DMAC2: variants seen among roughly 807,000 people sequenced by gnomAD.
DMAC2 encodes distal membrane arm assembly component 2.
In DMAC2, 32 loss-of-function variants were observed where a neutral mutation model predicts 29.6. That is an observed-to-expected ratio of 1.08 (90% CI 0.81 to 1.45). DMAC2 has a LOEUF of 1.45. DMAC2 is among the 40% of genes most tolerant of loss of function. The pLI is 0.00. For synonymous variants in DMAC2, 133 were observed against 137.4 expected (o/e 0.97, Z 0.23); for missense variants, 319 against 340.0 (o/e 0.94, Z 0.49).
intron 5 of DMAC2, chr19:41,432,873 T>TGTGTGTGTGCGTGCGTGCATGCGTGC (rs2039642381): frequency 1.4e-5 from 7 of 502,716 alleles, no homozygotes; most frequent in African/African-American, 4.1e-5. Flanking sequence ...TGCGTGCGTG[T>TGTGTGTGTGCGTGCGTGCATGCGTGC]GTGTGTGTGC....
chr19:41,433,084 C>G, intron 5 of DMAC2, 188 bp downstream of exon 5: 1 of 653,162 alleles, frequency 1.5e-6, no homozygotes, highest in Non-Finnish European at 2.5e-6. Context: ...AGGAAGAAAA[C>G]CAGGAGTCAT....
chr19:41,433,343 C>G lies in DMAC2; in HGVS notation c.525G>C (p.Ser175=). 1 of 1,612,540 alleles carries G rather than the reference C, an allele frequency of 6.2e-7. No individual in the cohort carries two copies. The highest frequency in any genetic ancestry group is 2.2e-5 in the East Asian group (1 of 44,884). Reference sequence around the variant, plus strand: ...AACCGGCCAGCGAGAGCTCCTGCAACGAGTCGGCCAGTGGGTAGAGGCGGC... The same window carrying G: ...AACCGGCCAGCGAGAGCTCCTGCAAGGAGTCGGCCAGTGGGTAGAGGCGGC... The part of the protein sequence containing the change: ...CLSRLYPLAD[S]LQELSLAGCP... Residue 175 remains serine (S), a synonymous_variant, in exon 5 of 6, where the codon TCG becomes TCC. Transcript: ENST00000221943.
At chr19:41,434,954 C>T (rs2039779575) in intron 3 of DMAC2, among the ~76,000 whole-genome samples, 1 of 150,312 alleles carries the variant, frequency 6.7e-6, no homozygotes, top group East Asian at 2.0e-4. Flanking sequence ...TGCAGTGAGC[C>T]GAGATTGTGC....
At chr19:41,434,437 T>G (rs17318666) in intron 3 of DMAC2, among the ~76,000 whole-genome samples, 49,514 of 147,454 alleles carry the variant, frequency 0.34, 9,464 homozygotes, top group East Asian at 0.56. Flanking sequence ...TTGCCAATTT[T>G]ACATACCTAG....
In DMAC2 at chr19:41,435,491, A is replaced by T. The variant is rs2122238550; in HGVS notation, c.296+901T>A. Among the ~76,000 whole-genome samples the T allele has an allele frequency of 2.6e-5, 4 of 152,206 alleles. No individual in the cohort carries two copies. The East Asian group carries it at 7.7e-4, about 29-fold the overall frequency. On this transcript the variant is annotated intron_variant, in intron 3 of 5. Coordinates refer to ENST00000221943, the MANE Select transcript of DMAC2 (RefSeq NM_018035.3). ...CACCACGTTGGCTAGGCTGGTCTCG[A>T]ACTCCTGACCTCAGATGATCCACCA...
chr19:41,434,405 A>AG (rs1555770600), intron 3 of DMAC2, among the ~76,000 whole-genome samples: 1 of 151,332 alleles, frequency 6.6e-6, no homozygotes, highest in African/African-American at 2.4e-5. Context: ...CTCAAAAAAA[A>AG]AAAAAAAAAA....
intron 2 of DMAC2, among the ~76,000 whole-genome samples, chr19:41,437,957 G>T (rs960384906): frequency 1.3e-5 from 2 of 152,244 alleles, no homozygotes; most frequent in Non-Finnish European, 2.9e-5. Flanking sequence ...GGAGTGAGCA[G>T]ATGTTTTTAG....
intron 3 of DMAC2, among the ~76,000 whole-genome samples, chr19:41,434,543 A>G (rs782657744): frequency 3.9e-5 from 6 of 152,172 alleles, no homozygotes; most frequent in Non-Finnish European, 5.9e-5. Flanking sequence ...ACATTTTCAA[A>G]CATGTATACT....
intron 5 of DMAC2, 84 bp downstream of exon 5, chr19:41,433,188 T>C: frequency 7.0e-7 from 1 of 1,426,850 alleles, no homozygotes; most frequent in Non-Finnish European, 9.3e-7. Context: ...TGCCTAACAT[T>C]GCCCCTCCCC....
At position 41,438,404 on chromosome 19, in the gene DMAC2, A is replaced by C. The variant is rs782027128; in HGVS notation, c.29T>G (p.Leu10Arg). Residue 10 changes from leucine to arginine, a missense_variant, in exon 2 of 6, where the codon CTG becomes CGG. Transcript: ENST00000221943. ...ACGCCCATTCCACATGGGGGCGACCAGGCGCAGGGACTGGGGAGGGGGAGA... is the reference window on the plus strand; with the variant it reads ...ACGCCCATTCCACATGGGGGCGACCCGGCGCAGGGACTGGGGAGGGGGAGA... MAAPWASLRLVAPMWNGRIR... is the reference protein window; with the variant it reads MAAPWASLRRVAPMWNGRIR... 2 of 1,613,370 alleles carry C rather than the reference A, an allele frequency of 1.2e-6. No individual in the cohort carries two copies. Among genetic ancestry groups the C allele is most frequent in the Non-Finnish European group, 8.5e-7 (1 of 1,179,738 alleles).
chr19:41,436,391 C>A lies in DMAC2; in HGVS notation c.296+1G>T. 2 of 1,614,042 alleles carry A rather than the reference C, an allele frequency of 1.2e-6. No individual in the cohort carries two copies. Among genetic ancestry groups the A allele is most frequent in the Non-Finnish European group, 1.7e-6 (2 of 1,179,902 alleles). On this transcript the variant is annotated splice_donor_variant, in intron 3 of 5. Coordinates refer to ENST00000221943, the MANE Select transcript of DMAC2 (RefSeq NM_018035.3). LOFTEE classifies it high-confidence loss of function. The stretch of plus-strand genomic sequence containing the variant: ...CCGTTCTAACACCTTAGCGGTCATA[C>A]TTGACTGCGCCTCCCTGCTTCAGGA...
intron 3 of DMAC2, 101 bp from the exon 4 acceptor site, chr19:41,433,774 C>T: frequency 4.1e-6 from 6 of 1,452,644 alleles, no homozygotes; most frequent in Non-Finnish European, 5.7e-6. Flanking sequence ...GTATAGGTCA[C>T]CCTTGACATA....
chr19:41,432,007 G>C lies in DMAC2; in HGVS notation c.*224C>G. On this transcript the variant is annotated 3_prime_UTR_variant, in exon 6 of 6. Coordinates refer to ENST00000221943, the MANE Select transcript of DMAC2 (RefSeq NM_018035.3). ...GCCTTTACCTCCCCAGGCCTGAACA[G>C]GGGCATGGAAAGGGCTGCCTGACAG... 1 of 593,600 alleles carries C rather than the reference G, an allele frequency of 1.7e-6. No homozygotes were observed. The highest frequency in any genetic ancestry group is 3.0e-6 in the Non-Finnish European group (1 of 334,924). 36.8% of individuals were successfully genotyped at this position (593,600 alleles called of 1,614,324 possible). A position where few individuals can be genotyped will look rare whatever the true frequency, so the allele number is the denominator to read the frequency against.
intron 2 of DMAC2, 146 bp downstream of exon 2, chr19:41,438,072 G>C (rs1472962994): frequency 1.4e-6 from 1 of 734,040 alleles, no homozygotes; most frequent in South Asian, 1.9e-5. Context: ...TGGAGTCCTT[G>C]AGAAGGGTAC....
intron 2 of DMAC2, among the ~76,000 whole-genome samples, chr19:41,437,640 A>C (rs1167379245): frequency 1.3e-5 from 2 of 151,954 alleles, no homozygotes; most frequent in African/African-American, 4.8e-5. Flanking sequence ...TGGAGGTTGC[A>C]GTGAGCTTAG....
At chr19:41,433,931 C>G (rs1555770427) in intron 3 of DMAC2, among the ~76,000 whole-genome samples, 1 of 151,292 alleles carries the variant, frequency 6.6e-6, no homozygotes, top group East Asian at 1.9e-4. Context: ...GACCTCGTCC[C>G]TATGAAAAAA....
At chr19:41,432,773 G>T (rs371625746) in intron 5 of DMAC2, 3 of 393,100 alleles carry the variant, frequency 7.6e-6, no homozygotes, top group African/African-American at 3.2e-5. Context: ...GGGAGGTACA[G>T]GACAGCGTGC....
intron 1 of DMAC2, chr19:41,438,836 G>A (rs2040006089): frequency 6.1e-6 from 1 of 162,690 alleles, no homozygotes; most frequent in Non-Finnish European, 1.3e-5. Flanking sequence ...TCAAGGAGAG[G>A]GTGCTCTGAG....
chr19:41,434,249 AAAAC>A (rs1248995957), intron 3 of DMAC2, among the ~76,000 whole-genome samples: 2 of 151,660 alleles, frequency 1.3e-5, no homozygotes, highest in Admixed American at 6.6e-5. Context: ...AAAAAACAAA[AAAAC>A]AAAAATTAGC....
Sources: allele counts gnomAD v4.1 joint callset (sites outside exome capture counted in the v4.1 genomes callset), GRCh38; gene constraint gnomAD v4.1.1; transcripts MANE v1.5; gene names NCBI Gene and HGNC (gene_info 2026-07-23, HGNC 2026-07-21).